Variants in EVC2 observed in about 807,000 individuals in gnomAD.
The protein encoded by EVC2 is EvC ciliary complex subunit 2, also known as limbin.
Under a neutral mutation model 149.3 loss-of-function variants are expected in EVC2, and 148 were observed. That is an observed-to-expected ratio of 0.99 (90% CI 0.87 to 1.14). The LOEUF is 1.14. EVC2 is among the 50% of genes most tolerant of loss of function. EVC2 has a pLI of 0.00. For synonymous variants in EVC2, 776 were observed against 649.9 expected (o/e 1.19, Z -2.95); for missense variants, 1,854 against 1,627.3 (o/e 1.14, Z -2.40).
In EVC2 at chr4:5,679,610, TTTTA is replaced by T. The variant is rs1351511362; in HGVS notation, c.870+1646_870+1649del. 1.3e-5 allele frequency among the ~76,000 whole-genome samples: 2 copies of T among 152,120 alleles called. No homozygotes were observed. Among genetic ancestry groups the T allele is most frequent in the Non-Finnish European group, 2.9e-5 (2 of 68,040 alleles). ...AAGTTAATCTTGGCTTACTGTAATT[TTTTA>T]TTTTTTATTTTATTTTATTTTACTT... is the stretch of plus-strand genomic sequence containing the variant. On this transcript the variant is annotated intron_variant, in intron 7 of 21. Transcript: ENST00000344408. The surrounding 1 kb of genome is among the most constrained non-coding windows in gnomAD (Gnocchi z 5.1).
chr4:5,688,607 T>A (rs1720883376), intron 5 of EVC2, among the ~76,000 whole-genome samples: 1 of 152,174 alleles, frequency 6.6e-6, no homozygotes, highest in African/African-American at 2.4e-5. Flanking sequence ...AACGAACCTC[T>A]GAAAGCCAAC....
rs1434202396 is a variant in EVC2, at chr4:5,640,675, G to T, written c.1309C>A (p.Leu437Ile). 6.2e-7 allele frequency: 1 copy of T among 1,614,068 alleles called. No individual in the cohort carries two copies. Among genetic ancestry groups the T allele is most frequent in the Non-Finnish European group, 8.5e-7 (1 of 1,180,010 alleles). ...TCTTGTATTTCATTTTCCAGCAATAGAAACTGCTTTTTGAAAACAGCACTC... is the reference window on the plus strand; with the variant it reads ...TCTTGTATTTCATTTTCCAGCAATATAAACTGCTTTTTGAAAACAGCACTC... ...KMSAVFKKQF[L>I]LLENEIQEEY... The change falls in exon 10 of 22, where the codon CTA (leucine) becomes ATA (isoleucine). Residue 437 changes from leucine (L) to isoleucine (I), a missense_variant. Physicochemically the swap from Leu to Ile is conservative, Grantham distance 5. Coordinates refer to ENST00000344408, the MANE Select transcript of EVC2 (RefSeq NM_147127.5). This position sits in a 1 kb window ranked among gnomAD's most constrained non-coding sequence, Gnocchi z 4.6.
intron 6 of EVC2, among the ~76,000 whole-genome samples, chr4:5,684,448 C>T (rs928385370): frequency 6.6e-6 from 1 of 152,146 alleles, no homozygotes; most frequent in Non-Finnish European, 1.5e-5. Flanking sequence ...TGCTATGAGC[C>T]TCATCTTCCA....
chr4:5,660,271 G>C (rs915975619), intron 9 of EVC2, among the ~76,000 whole-genome samples: 1 of 152,152 alleles, frequency 6.6e-6, no homozygotes, highest in Non-Finnish European at 1.5e-5. Context: ...CTGCACTTAC[G>C]AGGCTCCAAG....
chr4:5,667,064 T>C (rs4689275), intron 7 of EVC2, among the ~76,000 whole-genome samples: 36,919 of 152,094 alleles, frequency 0.24, 4,843 homozygotes, highest in East Asian at 0.48. Flanking sequence ...CTTTTCCCTA[T>C]AGTTCTGAAT....
intron 9 of EVC2, among the ~76,000 whole-genome samples, chr4:5,661,925 C>A (rs927974808): frequency 1.3e-5 from 2 of 152,182 alleles, no homozygotes; most frequent in Non-Finnish European, 2.9e-5. Context: ...GAGGATTATA[C>A]GAGTTAGTTC....
intron 21 of EVC2, among the ~76,000 whole-genome samples, chr4:5,548,755 CTCT>C (rs2108758321): frequency 6.6e-6 from 1 of 152,074 alleles, no homozygotes; most frequent in East Asian, 1.9e-4. Flanking sequence ...ATTTTTTGTG[CTCT>C]TATCTGATGA....
chr4:5,568,648 AAAC>A lies in EVC2; in HGVS notation c.3361-11_3361-9del. On this transcript the variant is annotated splice_polypyrimidine_tract_variant and intron_variant, in intron 19 of 21. Transcript: ENST00000344408. ...CGATGCCAGTCTCAGCTCCTACAGG[AAAC>A]AACAGAGGGAGTTCAGACCCTCGCC... The A allele has an allele frequency of 4.4e-6, 7 of 1,605,824 alleles. No homozygotes were observed. Among genetic ancestry groups the A allele is most frequent in the Non-Finnish European group, 5.9e-6 (7 of 1,179,656 alleles).
rs1450539362 is a variant in EVC2, at chr4:5,562,867, C to T, written c.3908G>A (p.Arg1303Lys). 1 of 1,614,054 alleles carries T rather than the reference C, an allele frequency of 6.2e-7. No individual in the cohort carries two copies. Among genetic ancestry groups the T allele is most frequent in the Non-Finnish European group, 8.5e-7 (1 of 1,180,058 alleles). Residue 1303 changes from arginine (R) to lysine (K), a missense_variant, in exon 22 of 22, where the codon AGG becomes AAG. Transcript: ENST00000344408. This position sits in a 1 kb window ranked among gnomAD's most constrained non-coding sequence, Gnocchi z 4.3. ...KNFLNAKKAM[R>K]ALGMD The stretch of plus-strand genomic sequence containing the variant: ...CTTGGGCTAGTCCATGCCCAAGGCC[C>T]TCATGGCCTTTTTGGCATTCAAAAA...
chr4:5,611,986 G>C (rs941698725), intron 16 of EVC2, among the ~76,000 whole-genome samples: 5 of 152,120 alleles, frequency 3.3e-5, no homozygotes, highest in African/African-American at 1.2e-4. Flanking sequence ...CTGCACTGTT[G>C]ATCTTCCTTA....
At chr4:5,639,859 A>ATT (rs35448080) in intron 10 of EVC2, among the ~76,000 whole-genome samples, 3 of 152,010 alleles carry the variant, frequency 2.0e-5, no homozygotes, top group South Asian at 4.2e-4. Flanking sequence ...ATAATGTCTC[A>ATT]TTTTTTACGT....
chr4:5,660,618 G>C (rs910234530), intron 9 of EVC2, among the ~76,000 whole-genome samples: 3 of 152,162 alleles, frequency 2.0e-5, no homozygotes, highest in African/African-American at 7.2e-5. Context: ...TACTCGCCCT[G>C]ACCACTTCTC....
At chr4:5,659,405 GA>G (rs60976903) in intron 9 of EVC2, among the ~76,000 whole-genome samples, 22,270 of 107,182 alleles carry the variant, frequency 0.21, 1,652 homozygotes, top group African/African-American at 0.23. Context: ...TGCTATAATT[GA>G]AAAAAAAAAA....
chr4:5,659,301 T>C (rs959590799), intron 9 of EVC2, among the ~76,000 whole-genome samples: 8 of 151,612 alleles, frequency 5.3e-5, no homozygotes, highest in Admixed American at 1.3e-4. Context: ...TTTCCATGCA[T>C]ACTAAGCTCC....
chr4:5,609,757 C>G (rs142912153), intron 16 of EVC2, among the ~76,000 whole-genome samples: 372 of 152,286 alleles, frequency 2.4e-3, no homozygotes, highest in Non-Finnish European at 4.8e-3. Context: ...TGAAAACATT[C>G]TTTGACAGTT....
rs548909731 is a variant in EVC2, at chr4:5,697,890, C to T, written c.229-243G>A. On this transcript the variant is annotated intron_variant, in intron 1 of 21. Transcript: ENST00000344408. Reference sequence around the variant, plus strand: ...CCTCCCGAGTAGCTGGGACTACAGGCGCCCACCACCACGCCCAGCTAATTT... The same window carrying T: ...CCTCCCGAGTAGCTGGGACTACAGGTGCCCACCACCACGCCCAGCTAATTT... Among the ~76,000 whole-genome samples, 27 of 151,860 alleles carry T rather than the reference C, an allele frequency of 1.8e-4. 1 individual carries two copies. The East Asian group carries it at 2.5e-3, about 14-fold the overall frequency.
In EVC2 at chr4:5,686,129, G is replaced by C. The variant is rs1293167736; in HGVS notation, c.707-650C>G. 3.3e-5 allele frequency among the ~76,000 whole-genome samples: 2 copies of C among 60,038 alleles called. No homozygotes were observed. Among genetic ancestry groups the C allele is most frequent in the African/African-American group, 8.4e-5 (1 of 11,884 alleles). The allele number at this position is 60,038 out of a possible 152,430, so 39.4% of individuals were successfully genotyped here. A position where few individuals can be genotyped will look rare whatever the true frequency, so the allele number is the denominator to read the frequency against. On this transcript the variant is annotated intron_variant, in intron 5 of 21. Transcript: ENST00000344408. The surrounding 1 kb of genome is among the most constrained non-coding windows in gnomAD (Gnocchi z 5.4). ...ACACACACACACACACACACACACAGAGTAAAGAAAAGAGGAGGAACGCTC... is the reference window on the plus strand; with the variant it reads ...ACACACACACACACACACACACACACAGTAAAGAAAAGAGGAGGAACGCTC...
intron 21 of EVC2, among the ~76,000 whole-genome samples, chr4:5,550,565 A>G (rs1251822793): frequency 2.0e-5 from 3 of 152,196 alleles, no homozygotes; most frequent in Non-Finnish European, 4.4e-5. Flanking sequence ...GGGGAAACAG[A>G]GCATAAAAGT....
At chr4:5,698,494 G>A (rs966298397) in intron 1 of EVC2, among the ~76,000 whole-genome samples, 1 of 152,168 alleles carries the variant, frequency 6.6e-6, no homozygotes, top group African/African-American at 2.4e-5. Flanking sequence ...AGCCTCATTG[G>A]TGATGAAAAT....
Sources: gnomAD v4.1 joint callset for allele counts (sites outside exome capture counted in the v4.1 genomes callset) on GRCh38, gnomAD v4.1.1 for gene constraint, Gnocchi (gnomAD v3.1) non-coding constraint, MANE v1.5 for transcripts, NCBI Gene and HGNC (gene_info 2026-07-23, HGNC 2026-07-21) for gene names.